Variants in NRXN1 observed in about 807,000 individuals in gnomAD.
NRXN1 encodes neurexin 1, also known as neurexin-1.
NRXN1 carries 39 observed loss-of-function variants against 150.9 expected under a neutral mutation model. That is an observed-to-expected ratio of 0.26 (90% CI 0.20 to 0.34). The LOEUF is 0.34. Among genes scored for constraint, NRXN1 ranks in the 10% least tolerant of loss-of-function variants. The pLI, the probability that NRXN1 is intolerant of heterozygous loss-of-function variation, is 1.00. For missense variants in NRXN1, 1,815 were observed against 1,949.9 expected (o/e 0.93, Z 1.30); for synonymous variants, 924 against 757.0 (o/e 1.22, Z -3.62).
intron 21 of NRXN1, among the ~76,000 whole-genome samples, chr2:49,998,392 G>A (rs1290636069): frequency 6.6e-6 from 1 of 152,124 alleles, no homozygotes; most frequent in Admixed American, 6.5e-5. Context: ...TGTAAAATGT[G>A]TGTAATGAAT....
rs143115997 is a variant in NRXN1, at chr2:49,990,533, GAGGTTTTGC to G, written c.4129-46751_4129-46743del. Among the ~76,000 whole-genome samples, 528 of 152,266 alleles carry G rather than the reference GAGGTTTTGC, an allele frequency of 3.5e-3. 4 individuals carry two copies. The highest frequency in any genetic ancestry group is 0.012 in the African/African-American group (517 of 41,560). Reference sequence around the variant, plus strand: ...ATGGAGAAGCAGAGATGTGAGTCAGGAGGTTTTGCAGTTTAGGCAAGAGATAATAGTGGC... The same window carrying G: ...ATGGAGAAGCAGAGATGTGAGTCAGGAGTTTAGGCAAGAGATAATAGTGGC... On this transcript the variant is annotated intron_variant, in intron 21 of 22. Coordinates refer to ENST00000401669, the MANE Select transcript of NRXN1 (RefSeq NM_001330078.2).
In NRXN1 at chr2:50,538,764, C is replaced by T. The variant is rs1283276763; in HGVS notation, c.1760-128G>A. The T allele has an allele frequency of 1.5e-5, 11 of 745,316 alleles. No homozygotes were observed. The African/African-American group carries it at 2.2e-4, about 15-fold the overall frequency. 46.2% of individuals were successfully genotyped at this position (745,316 alleles called of 1,614,324 possible). ...GACAATTATTATTATTCTTTCTGTC[C>T]TCACTTTTTGGTATTTCCTAGAGAA... On this transcript the variant is annotated intron_variant, in intron 9 of 22. Transcript: ENST00000401669.
intron 17 of NRXN1, among the ~76,000 whole-genome samples, chr2:50,446,837 G>A (rs542151950): frequency 2.0e-5 from 3 of 151,994 alleles, no homozygotes; most frequent in South Asian, 2.1e-4. Context: ...AGACAAAAAT[G>A]ATTTAAACCT....
At chr2:50,935,782 T>C (rs916225662) in intron 2 of NRXN1, among the ~76,000 whole-genome samples, 1 of 150,314 alleles carries the variant, frequency 6.7e-6, no homozygotes, top group Non-Finnish European at 1.5e-5. Context: ...AAAAAAAAAG[T>C]GGCAAAATTA....
intron 17 of NRXN1, among the ~76,000 whole-genome samples, chr2:50,429,130 T>C (rs1038669213): frequency 2.6e-5 from 4 of 152,162 alleles, no homozygotes. Flanking sequence ...AAAGTAGTCA[T>C]AATAATGGGA....
At chr2:50,113,853 G>A (rs1319046410) in intron 18 of NRXN1, among the ~76,000 whole-genome samples, 1 of 152,060 alleles carries the variant, frequency 6.6e-6, no homozygotes, top group Admixed American at 6.5e-5. Context: ...ATATCGAAAT[G>A]ACTTCTATTG....
At chr2:50,094,383 G>A (rs1699950964) in intron 18 of NRXN1, among the ~76,000 whole-genome samples, 1 of 152,196 alleles carries the variant, frequency 6.6e-6, no homozygotes, top group Non-Finnish European at 1.5e-5. Flanking sequence ...CAGTTGAGAT[G>A]TGATGTGATT....
chr2:50,078,008 C>A (rs2152679729), intron 19 of NRXN1, among the ~76,000 whole-genome samples: 1 of 151,960 alleles, frequency 6.6e-6, no homozygotes, highest in African/African-American at 2.4e-5. Flanking sequence ...AATATTCTAC[C>A]CATGAGGCTA....
At chr2:50,186,953 C>CTA (rs2061113036) in intron 18 of NRXN1, among the ~76,000 whole-genome samples, 1 of 151,754 alleles carries the variant, frequency 6.6e-6, no homozygotes, top group Admixed American at 6.6e-5. Context: ...GTAATAAATG[C>CTA]TATATATATA....
intron 5 of NRXN1, among the ~76,000 whole-genome samples, chr2:50,763,887 G>A (rs1702097345): frequency 6.6e-6 from 1 of 151,820 alleles, no homozygotes. Context: ...AATTTTAACT[G>A]ACTTATCCCT....
At chr2:50,944,935 C>CT (rs1420630408) in intron 2 of NRXN1, among the ~76,000 whole-genome samples, 2 of 152,064 alleles carry the variant, frequency 1.3e-5, no homozygotes, top group Admixed American at 1.3e-4. Flanking sequence ...ATGCAGGTTT[C>CT]TTTTTTTGGG....
At chr2:50,938,067 T>C (rs988455407) in intron 2 of NRXN1, among the ~76,000 whole-genome samples, 1 of 151,976 alleles carries the variant, frequency 6.6e-6, no homozygotes, top group East Asian at 1.9e-4. Flanking sequence ...AAAGTAAAAA[T>C]ATGATTTTTT....
At chr2:50,224,693 AAGAGAGAGAGAGAGAGAGAG>A (rs201700032) in intron 18 of NRXN1, among the ~76,000 whole-genome samples, 141 of 130,506 alleles carry the variant, frequency 1.1e-3, no homozygotes, top group Non-Finnish European at 1.8e-4. Context: ...GAGAGGGAGA[AAGAGAGAGAGAGAGAGAGAG>A]AGAGAGAGAG....
intron 5 of NRXN1, among the ~76,000 whole-genome samples, chr2:50,820,854 T>C (rs1218325115): frequency 6.6e-6 from 1 of 152,140 alleles, no homozygotes; most frequent in Non-Finnish European, 1.5e-5. Context: ...ACCAAATGGA[T>C]ACTGAACACC....
At chr2:50,271,657 C>G (rs1302561184) in intron 17 of NRXN1, among the ~76,000 whole-genome samples, 1 of 152,224 alleles carries the variant, frequency 6.6e-6, no homozygotes, top group Non-Finnish European at 1.5e-5. Flanking sequence ...TTTATGGGCA[C>G]ACAGGAAAAT....
chr2:50,472,153 A>G (rs1031522416), intron 16 of NRXN1, 145 bp downstream of exon 16: 35 of 579,400 alleles, frequency 6.0e-5, no homozygotes, highest in Non-Finnish European at 9.1e-5. Context: ...TTTATGAGAT[A>G]AAAAATTAAA....
chr2:50,486,389 A>T (rs936304689), intron 15 of NRXN1, among the ~76,000 whole-genome samples: 4 of 152,188 alleles, frequency 2.6e-5, no homozygotes, highest in African/African-American at 9.7e-5. Context: ...CACTCTATTG[A>T]TGTGCATGAT....
At chr2:50,984,697 T>C (rs1482436386) in intron 2 of NRXN1, among the ~76,000 whole-genome samples, 2 of 152,116 alleles carry the variant, frequency 1.3e-5, no homozygotes, top group African/African-American at 2.4e-5. Flanking sequence ...TATTGCCCTG[T>C]ATCTTTAATA....
At chr2:50,268,449 G>C (rs1461143184) in intron 17 of NRXN1, among the ~76,000 whole-genome samples, 1 of 152,162 alleles carries the variant, frequency 6.6e-6, no homozygotes, top group African/African-American at 2.4e-5. Flanking sequence ...GGGAGGATTT[G>C]TCCTTCTGTA....
Sources: allele counts gnomAD v4.1 joint callset (sites outside exome capture counted in the v4.1 genomes callset), GRCh38; gene constraint gnomAD v4.1.1; transcripts MANE v1.5; gene names NCBI Gene and HGNC (gene_info 2026-07-23, HGNC 2026-07-21).